FBN1: variants seen among roughly 807,000 people sequenced by gnomAD.
FBN1 encodes the protein fibrillin 1.
Under a neutral mutation model 365.1 loss-of-function variants are expected in FBN1, and 29 were observed. The observed-to-expected ratio is 0.08, with a 90% CI of 0.06 to 0.11. FBN1 has a LOEUF of 0.11. FBN1 is among the 10% of genes least tolerant of loss of function. The pLI is 1.00. For missense variants in FBN1, 2,476 were observed against 3,703.2 expected, an observed-to-expected ratio of 0.67 and a Z score of 8.60; for synonymous variants, 1,210 against 1,270.5, an observed-to-expected ratio of 0.95 and a Z score of 1.01.
chr15:48,611,532 T>C (rs1408497346), intron 3 of FBN1, among the ~76,000 whole-genome samples: 2 of 152,196 alleles, frequency 1.3e-5, no homozygotes, highest in African/African-American at 2.4e-5. Context: ...AGTGCTGGGA[T>C]TACAGGCGTA....
intron 2 of FBN1, among the ~76,000 whole-genome samples, chr15:48,617,075 T>C (rs1889668632): frequency 6.6e-6 from 1 of 152,200 alleles, no homozygotes. Flanking sequence ...TGATATTTCA[T>C]CCAGTAGTAT....
At chr15:48,420,009 G>A (rs1261401478) in intron 63 of FBN1, among the ~76,000 whole-genome samples, 2 of 152,180 alleles carry the variant, frequency 1.3e-5, no homozygotes, top group African/African-American at 2.4e-5. Flanking sequence ...GTCCTTATCT[G>A]TAAAACAAAG....
At chr15:48,563,014 C>T (rs2044235359) in intron 6 of FBN1, among the ~76,000 whole-genome samples, 1 of 152,098 alleles carries the variant, frequency 6.6e-6, no homozygotes, top group Non-Finnish European at 1.5e-5. Context: ...TACTACAGTC[C>T]TTAGCACAGA....
At chr15:48,412,103 T>C (rs1298241188) in intron 65 of FBN1, among the ~76,000 whole-genome samples, 14 of 152,242 alleles carry the variant, frequency 9.2e-5, no homozygotes, top group South Asian at 2.1e-4. Context: ...GCAGCAGCCG[T>C]AGGCAAAGGA....
At chr15:48,484,170 C>T (rs1272733561) in intron 30 of FBN1, among the ~76,000 whole-genome samples, 3 of 152,148 alleles carry the variant, frequency 2.0e-5, no homozygotes, top group Admixed American at 6.5e-5. Context: ...GCAACGTCCA[C>T]ACCTGCTTAA....
Position 48,537,702 on chromosome 15 carries a change from T to G in FBN1, c.645A>C (p.Arg215=), listed in dbSNP as rs200062771. Reference sequence around the variant, plus strand: ...ACATCTCACAGGGGTGGCCCCAGGCTCGGCCGACTGTGGCACAGCAGAGCG... The same window carrying G: ...ACATCTCACAGGGGTGGCCCCAGGCGCGGCCGACTGTGGCACAGCAGAGCG... ...TKTLCCATVG[R]AWGHPCEMCP... Residue 215 remains arginine (R), a synonymous_variant, in exon 7 of 66, where the codon CGA becomes CGC. Transcript: ENST00000316623. 2.0e-4 allele frequency: 328 copies of G among 1,614,226 alleles called. No individual in the cohort carries two copies. Among genetic ancestry groups the G allele is most frequent in the Non-Finnish European group, 8.5e-6 (10 of 1,180,040 alleles).
At chr15:48,458,303 T>C (rs1219514715) in intron 43 of FBN1, among the ~76,000 whole-genome samples, 2 of 152,202 alleles carry the variant, frequency 1.3e-5, no homozygotes, top group African/African-American at 2.4e-5. Flanking sequence ...AAATTTGATG[T>C]CATAGATTTA....
Position 48,425,830 on chromosome 15 carries a change from G to A in FBN1, c.7239C>T (p.Cys2413=), listed in dbSNP as rs2042975041. The change falls in exon 59 of 66, where the codon TGC becomes TGT. Residue 2413 remains cysteine, a synonymous_variant. Transcript: ENST00000316623. ...IDECKVIHDV[C]RNGECVNDRG... is the part of the protein sequence containing the mutation. ...TGTCATTGACACATTCCCCATTTCG[G>A]CAAACATCGTGAATAACCTTGCATT... 6.2e-7 allele frequency: 1 copy of A among 1,611,614 alleles called. No individual in the cohort carries two copies. The highest frequency in any genetic ancestry group is 8.5e-7 in the Non-Finnish European group (1 of 1,177,916).
chr15:48,452,534 CA>C (rs1566900448), intron 45 of FBN1, 27 bp downstream of exon 45: 1 of 1,613,720 alleles, frequency 6.2e-7, no homozygotes, highest in South Asian at 1.1e-5. Context: ...CTTGGGTAGG[CA>C]TGTCCAGCCT....
chr15:48,463,131 A>G lies in FBN1; in HGVS notation c.5175T>C (p.Ile1725=). ...TKKMCCCSYN[I]GRAWNKPCEQ... is the part of the protein sequence containing the mutation. ...CACAGGGCTTGTTCCACGCCCGGCC[A>G]ATGTTGTAGGAACAGCAGCACATCT... The change falls in exon 42 of 66, where the codon ATT becomes ATC. Residue 1725 remains isoleucine, a synonymous_variant. Coordinates refer to ENST00000316623, the MANE Select transcript of FBN1 (RefSeq NM_000138.5). The G allele has an allele frequency of 6.2e-7, 1 of 1,614,168 alleles. No individual in the cohort carries two copies. Among genetic ancestry groups the G allele is most frequent in the Non-Finnish European group, 8.5e-7 (1 of 1,179,978 alleles).
At position 48,489,860 on chromosome 15, in the gene FBN1, A is replaced by C; in HGVS notation, c.3073T>G (p.Phe1025Val). 1 of 1,613,974 alleles carries C rather than the reference A, an allele frequency of 6.2e-7. No homozygotes were observed. Among genetic ancestry groups the C allele is most frequent in the Non-Finnish European group, 8.5e-7 (1 of 1,179,864 alleles). ...ATKEITNGKP[F>V]FKDINECKMI... ...AAACGTAACATTGTACCTTTGAAGAAAGGCTTTCCATTTGTAATTTCTTTT... is the reference window on the plus strand; with the variant it reads ...AAACGTAACATTGTACCTTTGAAGACAGGCTTTCCATTTGTAATTTCTTTT... The change falls in exon 25 of 66, where the codon TTC (phenylalanine) becomes GTC (valine). Residue 1025 changes from phenylalanine to valine, a missense_variant. Coordinates refer to ENST00000316623, the MANE Select transcript of FBN1 (RefSeq NM_000138.5).
intron 6 of FBN1, among the ~76,000 whole-genome samples, chr15:48,581,236 A>T (rs2044389658): frequency 6.6e-6 from 1 of 152,214 alleles, no homozygotes; most frequent in Non-Finnish European, 1.5e-5. Flanking sequence ...AGAGGAGATA[A>T]TTCTAAATTT....
At chr15:48,419,976 A>G (rs1044002135) in intron 63 of FBN1, among the ~76,000 whole-genome samples, 2 of 152,218 alleles carry the variant, frequency 1.3e-5, no homozygotes, top group African/African-American at 2.4e-5. Context: ...AGGAAATATT[A>G]CCGTCCCTTT....
intron 6 of FBN1, among the ~76,000 whole-genome samples, chr15:48,554,962 AG>A (rs1425844262): frequency 6.6e-6 from 1 of 152,268 alleles, no homozygotes; most frequent in African/African-American, 2.4e-5. Context: ...TATTTTCAAT[AG>A]AAAAAACCTT....
intron 42 of FBN1, among the ~76,000 whole-genome samples, 154 bp from the exon 43 acceptor site, chr15:48,460,471 AT>A (rs1402060058): frequency 1.3e-5 from 2 of 152,238 alleles, no homozygotes; most frequent in Non-Finnish European, 2.9e-5. Context: ...ATTCCTACAG[AT>A]ATAATCTTGC....
intron 6 of FBN1, among the ~76,000 whole-genome samples, chr15:48,568,030 AAAGAAAGAAAGAAAGAAAG>A (rs1446474154): frequency 0.03 from 3,412 of 112,920 alleles, 92 homozygotes; most frequent in Non-Finnish European, 0.035. Context: ...AGAAAGAAAG[AAAGAAAGAAAGAAAGAAAG>A]AAGAAAGAAA....
chr15:48,481,823 T>A lies in FBN1; in HGVS notation c.3839-43A>T, dbSNP rs199515148. On this transcript the variant is annotated intron_variant, in intron 31 of 65. Transcript: ENST00000316623. ...TATTAATATATGTAGCTATTTGATA[T>A]CATTGAGTACTTTCCCCTCGAGACA... 5.6e-5 allele frequency: 88 copies of A among 1,567,496 alleles called. No homozygotes were observed. In the African/African-American group the frequency reaches 1.1e-3, roughly 19 times the overall value.
rs373075011 is a variant in FBN1, at chr15:48,584,763, G to T, written c.538+11520C>A. On this transcript the variant is annotated intron_variant, in intron 6 of 65. Transcript: ENST00000316623. ...AAAAATAAATAAATAAAGAATTTTC[G>T]ATGGTGATTTAGGGTTGTTTTCCTC... Among the ~76,000 whole-genome samples, 48 of 152,274 alleles carry T rather than the reference G, an allele frequency of 3.2e-4. No homozygotes were observed. In the South Asian group the frequency reaches 8.3e-3, roughly 26 times the overall value.
intron 6 of FBN1, among the ~76,000 whole-genome samples, chr15:48,589,515 T>C (rs370371742): frequency 1.3e-5 from 2 of 152,136 alleles, no homozygotes; most frequent in East Asian, 1.9e-4. Context: ...GTTTATTCAG[T>C]GATCCACCAG....
Sources: gnomAD v4.1 joint callset for allele counts (sites outside exome capture counted in the v4.1 genomes callset) on GRCh38, gnomAD v4.1.1 for gene constraint, MANE v1.5 for transcripts, NCBI Gene and HGNC (gene_info 2026-07-23, HGNC 2026-07-21) for gene names.